Variants in FCHO2 observed in about 807,000 individuals in gnomAD.
FCHO2 encodes the protein FCH and mu domain containing endocytic adaptor 2.
In FCHO2, 43 loss-of-function variants were observed where a neutral mutation model predicts 114.1. The observed-to-expected ratio is 0.38, with a 90% CI of 0.30 to 0.49. The LOEUF is 0.49. Ranked by LOEUF, FCHO2 falls within the 20% of genes least tolerant of loss-of-function variation. FCHO2 has a pLI of 0.97. For missense variants in FCHO2, 807 were observed against 950.4 expected (o/e 0.85, Z 1.98); for synonymous variants, 293 against 315.2 (o/e 0.93, Z 0.75).
chr5:73,023,358 G>A (rs1183331488), intron 8 of FCHO2, among the ~76,000 whole-genome samples: 8 of 152,174 alleles, frequency 5.3e-5, no homozygotes, highest in Non-Finnish European at 1.2e-4. Flanking sequence ...TACATAATTC[G>A]GTTTGTCTAA....
At chr5:72,972,343 T>G (rs1194955269) in intron 2 of FCHO2, among the ~76,000 whole-genome samples, 2 of 151,886 alleles carry the variant, frequency 1.3e-5, no homozygotes, top group South Asian at 2.1e-4. Context: ...GCATGGAATG[T>G]TCTTCCATTT....
chr5:72,972,135 G>A (rs897696719), intron 2 of FCHO2, among the ~76,000 whole-genome samples: 100 of 152,216 alleles, frequency 6.6e-4, no homozygotes, highest in African/African-American at 2.3e-3. Context: ...CAGGTAGTGT[G>A]ATGCCTCCAC....
intron 1 of FCHO2, 46 bp from the exon 2 acceptor site, chr5:72,968,451 AT>A: frequency 2.3e-6 from 3 of 1,327,334 alleles, no homozygotes; most frequent in South Asian, 3.0e-5. Context: ...TTCTCAAGTC[AT>A]TTTTATCTGT....
In FCHO2 at chr5:73,086,539, T is replaced by G. The variant is rs969678649; in HGVS notation, c.2246-1050T>G. Among the ~76,000 whole-genome samples, 4 of 152,336 alleles carry G rather than the reference T, an allele frequency of 2.6e-5. No homozygotes were observed. In the East Asian group the frequency reaches 7.7e-4, roughly 29 times the overall value. Reference sequence around the variant, plus strand: ...GACTCCTCCTTTCTCATTTCTTGATTCCAACTCCTAAATATCTTTCAAATA... The same window carrying G: ...GACTCCTCCTTTCTCATTTCTTGATGCCAACTCCTAAATATCTTTCAAATA... On this transcript the variant is annotated intron_variant, in intron 24 of 25. Transcript: ENST00000430046.
chr5:73,019,744 A>AT (rs1295564978), intron 8 of FCHO2, among the ~76,000 whole-genome samples: 1 of 152,200 alleles, frequency 6.6e-6, no homozygotes, highest in East Asian at 1.9e-4. Context: ...AGCTGCCTTG[A>AT]TAAAAAGCCA....
intron 5 of FCHO2, among the ~76,000 whole-genome samples, chr5:72,998,847 TGAG>T (rs1278669827): frequency 6.6e-6 from 1 of 150,610 alleles, no homozygotes; most frequent in African/African-American, 2.4e-5. Flanking sequence ...TGTCTAGAGA[TGAG>T]GTCTCACTGT....
chr5:73,024,137 G>A (rs1755786889), intron 8 of FCHO2, among the ~76,000 whole-genome samples: 1 of 151,830 alleles, frequency 6.6e-6, no homozygotes, highest in Non-Finnish European at 1.5e-5. Context: ...ATAGCTCACT[G>A]TAGCTTCAAC....
intron 24 of FCHO2, among the ~76,000 whole-genome samples, chr5:73,086,334 A>C (rs1743310279): frequency 6.6e-6 from 1 of 152,200 alleles, no homozygotes; most frequent in African/African-American, 2.4e-5. Context: ...GCAGCAGTTC[A>C]TCTCCACTAC....
intron 8 of FCHO2, among the ~76,000 whole-genome samples, chr5:73,025,600 A>G (rs1420157494): frequency 6.6e-6 from 1 of 152,030 alleles, no homozygotes; most frequent in Non-Finnish European, 1.5e-5. Context: ...GTTAATCTCA[A>G]ACTCCTGACC....
intron 18 of FCHO2, 76 bp from the exon 19 acceptor site, chr5:73,068,574 A>G: frequency 6.6e-7 from 1 of 1,519,344 alleles, no homozygotes; most frequent in African/African-American, 1.4e-5. Context: ...TGTTAAATTT[A>G]CCTCATACTT....
chr5:73,042,587 A>G (rs1756856026), intron 11 of FCHO2, among the ~76,000 whole-genome samples: 1 of 152,190 alleles, frequency 6.6e-6, no homozygotes, highest in African/African-American at 2.4e-5. Flanking sequence ...CTGAATAAGA[A>G]GTGATTGATG....
intron 10 of FCHO2, among the ~76,000 whole-genome samples, chr5:73,041,021 G>A (rs565463150): frequency 6.6e-6 from 1 of 152,122 alleles, no homozygotes; most frequent in South Asian, 2.1e-4. Context: ...ATATTTATAA[G>A]CTCTCAAAGC....
chr5:72,968,544 A>G lies in FCHO2; in HGVS notation c.80A>G (p.His27Arg), dbSNP rs1407812728. 4.5e-6 allele frequency: 7 copies of G among 1,549,356 alleles called. No homozygotes were observed. In the East Asian group the frequency reaches 7.3e-5, roughly 16 times the overall value. Residue 27 changes from histidine (H) to arginine (R), a missense_variant, in exon 2 of 26, where the codon CAT becomes CGT. Physicochemically the swap from His to Arg is conservative, Grantham distance 29. Coordinates refer to ENST00000430046, the MANE Select transcript of FCHO2 (RefSeq NM_138782.3). ...GATGTCCTCTACCATAATATGAAACATGGACAGATATCAACAAAAGAACTA... is the reference window on the plus strand; with the variant it reads ...GATGTCCTCTACCATAATATGAAACGTGGACAGATATCAACAAAAGAACTA... ...GFDVLYHNMKHGQISTKELAD... is the reference protein window; with the variant it reads ...GFDVLYHNMKRGQISTKELAD...
intron 11 of FCHO2, among the ~76,000 whole-genome samples, chr5:73,049,280 C>T (rs1757233863): frequency 6.6e-6 from 1 of 152,098 alleles, no homozygotes; most frequent in Admixed American, 6.6e-5. Flanking sequence ...AGTCCTTTTG[C>T]TTCACCACAC....
chr5:73,062,897 A>T (rs1757914802), intron 17 of FCHO2, among the ~76,000 whole-genome samples: 1 of 151,930 alleles, frequency 6.6e-6, no homozygotes, highest in Non-Finnish European at 1.5e-5. Context: ...AATTTTGTAC[A>T]TCTCTAAACT....
At chr5:73,079,785 A>G (rs769566318) in intron 22 of FCHO2, among the ~76,000 whole-genome samples, 1 of 152,214 alleles carries the variant, frequency 6.6e-6, no homozygotes, top group Non-Finnish European at 1.5e-5. Flanking sequence ...CTTTTTCTAT[A>G]TGTGGGTCCC....
At chr5:73,039,560 A>G (rs1363010684) in intron 10 of FCHO2, among the ~76,000 whole-genome samples, 2 of 152,174 alleles carry the variant, frequency 1.3e-5, no homozygotes, top group African/African-American at 2.4e-5. Flanking sequence ...AGAAAAATAT[A>G]ATGTTTCTCA....
intron 2 of FCHO2, among the ~76,000 whole-genome samples, chr5:72,980,800 A>G (rs991216505): frequency 2.0e-5 from 3 of 152,118 alleles, no homozygotes; most frequent in Middle Eastern, 3.2e-3. Context: ...TGCTTGGTAA[A>G]TATTCCTCCA....
At chr5:72,982,150 C>T (rs1198078360) in intron 2 of FCHO2, among the ~76,000 whole-genome samples, 2 of 152,112 alleles carry the variant, frequency 1.3e-5, no homozygotes, top group African/African-American at 4.8e-5. Flanking sequence ...CATGCCTTCC[C>T]TTGGCTAGGG....
Sources: gnomAD v4.1 joint callset for allele counts (sites outside exome capture counted in the v4.1 genomes callset) on GRCh38, gnomAD v4.1.1 for gene constraint, MANE v1.5 for transcripts, NCBI Gene and HGNC (gene_info 2026-07-23, HGNC 2026-07-21) for gene names.